SCHIP1: variants seen among roughly 807,000 people sequenced by gnomAD.
SCHIP1 encodes schwannomin-interacting protein 1.
Under a neutral mutation model 29.7 loss-of-function variants are expected in SCHIP1, and 8 were observed. The ratio of observed to expected loss-of-function variants is 0.27; its 90% confidence interval spans 0.16 to 0.49. SCHIP1 has a LOEUF of 0.49. Among genes scored for constraint, SCHIP1 ranks in the 20% least tolerant of loss-of-function variants. The pLI, the probability that SCHIP1 is intolerant of heterozygous loss-of-function variation, is 0.99. For missense variants in SCHIP1, 193 were observed against 294.6 expected (o/e 0.66, Z 2.52); for synonymous variants, 76 against 94.9 (o/e 0.80, Z 1.16).
the SCHIP1 span, among the ~76,000 whole-genome samples, chr3:159,451,225 A>G: frequency 6.6e-6 from 1 of 152,244 alleles, no homozygotes; most frequent in Non-Finnish European, 1.5e-5. Flanking sequence ...TGAAGGGCAC[A>G]TGTTAAAGTA....
chr3:159,584,558 T>C, the SCHIP1 span, among the ~76,000 whole-genome samples: 3 of 152,152 alleles, frequency 2.0e-5, no homozygotes, highest in African/African-American at 7.2e-5. Flanking sequence ...TCAAATACCA[T>C]GCTTTTTACT....
At chr3:159,493,597 T>C in the SCHIP1 span, among the ~76,000 whole-genome samples, 3 of 151,444 alleles carry the variant, frequency 2.0e-5, no homozygotes, top group Admixed American at 1.3e-4. Flanking sequence ...CCCAGATTCA[T>C]AAAGCAAGTC....
the SCHIP1 span, among the ~76,000 whole-genome samples, chr3:159,801,158 T>A: frequency 6.6e-5 from 10 of 152,280 alleles, no homozygotes; most frequent in African/African-American, 1.9e-4. Context: ...AAAATTTTCT[T>A]GAATTTATGG....
At chr3:159,669,991 C>T in the SCHIP1 span, among the ~76,000 whole-genome samples, 15 of 152,112 alleles carry the variant, frequency 9.9e-5, no homozygotes, top group African/African-American at 3.6e-4. Context: ...AAGGGGCTCT[C>T]TAATGAAATG....
intron 1 of SCHIP1, among the ~76,000 whole-genome samples, chr3:159,848,948 A>C (rs1712206281): frequency 1.3e-5 from 2 of 152,120 alleles, no homozygotes; most frequent in African/African-American, 4.8e-5. Context: ...GGGAGGGTGC[A>C]CAGTGATGTC....
the SCHIP1 span, among the ~76,000 whole-genome samples, chr3:159,579,362 C>CA: frequency 6.6e-6 from 1 of 152,164 alleles, no homozygotes; most frequent in African/African-American, 2.4e-5. Flanking sequence ...GCAGAAGAGT[C>CA]AAAATCTACT....
chr3:159,767,479 G>A, the SCHIP1 span, among the ~76,000 whole-genome samples: 100,587 of 152,066 alleles, frequency 0.66, 33,772 homozygotes, highest in East Asian at 0.99. Flanking sequence ...GAACAAAGGA[G>A]CCGTGTGGAA....
the SCHIP1 span, among the ~76,000 whole-genome samples, chr3:159,720,501 A>T: frequency 1.9e-4 from 29 of 152,204 alleles, no homozygotes; most frequent in Non-Finnish European, 1.8e-4. Context: ...TATAGCAAAA[A>T]ATTTAAATTT....
intron 4 of SCHIP1, 172 bp from the exon 6 acceptor site, chr3:159,888,648 A>G: frequency 1.2e-6 from 1 of 851,352 alleles, no homozygotes; most frequent in Admixed American, 3.2e-5. Flanking sequence ...ATATTAGGTA[A>G]TGTAGTGTGG....
At chr3:159,301,093 A>G in the SCHIP1 span, among the ~76,000 whole-genome samples, 1 of 152,220 alleles carries the variant, frequency 6.6e-6, no homozygotes, top group Non-Finnish European at 1.5e-5. Context: ...ACATATATGT[A>G]CATATATATA....
At chr3:159,697,737 A>G in the SCHIP1 span, among the ~76,000 whole-genome samples, 2 of 152,174 alleles carry the variant, frequency 1.3e-5, no homozygotes, top group African/African-American at 4.8e-5. Flanking sequence ...TAGAAAAGTG[A>G]TATTGAAATG....
At chr3:159,653,175 T>C in the SCHIP1 span, among the ~76,000 whole-genome samples, 18 of 152,296 alleles carry the variant, frequency 1.2e-4, no homozygotes, top group Middle Eastern at 6.8e-3. Context: ...TGGAAGACAG[T>C]GTGGTGATTC....
the SCHIP1 span, among the ~76,000 whole-genome samples, chr3:159,606,312 A>T: frequency 6.6e-6 from 1 of 152,282 alleles, no homozygotes; most frequent in African/African-American, 2.4e-5. Flanking sequence ...TGGGAAGGAG[A>T]TGTATAATAA....
At chr3:159,451,751 T>C in the SCHIP1 span, among the ~76,000 whole-genome samples, 4 of 152,118 alleles carry the variant, frequency 2.6e-5, no homozygotes, top group Non-Finnish European at 4.4e-5. Context: ...GGAAAAATAA[T>C]GCACGTAGAG....
chr3:159,580,664 C>T, the SCHIP1 span, among the ~76,000 whole-genome samples: 1 of 152,152 alleles, frequency 6.6e-6, no homozygotes, highest in Non-Finnish European at 1.5e-5. Context: ...TTGGTCAAGA[C>T]ACAGCCTCAG....
chr3:159,676,572 T>C, the SCHIP1 span, among the ~76,000 whole-genome samples: 3 of 152,238 alleles, frequency 2.0e-5, no homozygotes, highest in Non-Finnish European at 4.4e-5. Flanking sequence ...TCAAGTCTTC[T>C]ACATTCTTTC....
At chr3:159,863,711 TC>T (rs1714302259) in intron 1 of SCHIP1, among the ~76,000 whole-genome samples, 1 of 152,132 alleles carries the variant, frequency 6.6e-6, no homozygotes, top group African/African-American at 2.4e-5. Flanking sequence ...CTTGATTTGT[TC>T]AGTGGTATCC....
chr3:159,844,160 G>A (rs1205323228), intron 1 of SCHIP1, among the ~76,000 whole-genome samples: 2 of 152,152 alleles, frequency 1.3e-5, no homozygotes, highest in Admixed American at 6.5e-5. Flanking sequence ...ATTGTTCAGC[G>A]GCCCAGGGAA....
At chr3:159,880,582 G>C (rs1185015399) in intron 2 of SCHIP1, among the ~76,000 whole-genome samples, 2 of 152,206 alleles carry the variant, frequency 1.3e-5, no homozygotes, top group African/African-American at 4.8e-5. Flanking sequence ...AGAAACATAA[G>C]TGAGTGAAGT....
Sources: allele counts gnomAD v4.1 joint callset (sites outside exome capture counted in the v4.1 genomes callset), GRCh38; gene constraint gnomAD v4.1.1; transcripts MANE v1.5; gene names NCBI Gene and HGNC (gene_info 2026-07-23, HGNC 2026-07-21).